Variants in PCLO observed in about 807,000 individuals in gnomAD.
PCLO encodes piccolo presynaptic cytomatrix protein.
PCLO carries 82 observed loss-of-function variants against 427.5 expected under a neutral mutation model. The ratio of observed to expected loss-of-function variants is 0.19; its 90% confidence interval spans 0.16 to 0.23. PCLO has a LOEUF of 0.23. PCLO is among the 10% of genes least tolerant of loss of function. The pLI is 1.00. For synonymous variants in PCLO, 2,357 were observed against 2,155.4 expected, an observed-to-expected ratio of 1.09 and a Z score of -2.59; for missense variants, 6,239 against 6,115.9, an observed-to-expected ratio of 1.02 and a Z score of -0.67.
chr7:83,050,677 G>T (rs1789230373), intron 3 of PCLO, among the ~76,000 whole-genome samples: 1 of 151,710 alleles, frequency 6.6e-6, no homozygotes, highest in African/African-American at 2.4e-5. Context: ...GCTGAGGTGG[G>T]TGGATCACCT....
intron 3 of PCLO, among the ~76,000 whole-genome samples, chr7:83,050,227 A>AAAAAAAAAAAAACAAAAAC (rs71074611): frequency 1.2e-5 from 1 of 85,618 alleles, no homozygotes; most frequent in African/African-American, 3.8e-5. Context: ...AAAAAAAAAA[A>AAAAAAAAAAAAACAAAAAC]AAAAAAAAAA....
chr7:83,060,411 C>A lies in PCLO; in HGVS notation c.3300+73839G>T, dbSNP rs183121009. Among the ~76,000 whole-genome samples, 22 of 152,252 alleles carry A rather than the reference C, an allele frequency of 1.4e-4. No individual in the cohort carries two copies. In the East Asian group the frequency reaches 4.1e-3, roughly 28 times the overall value. ...CTTGCTGCTCATTATTGATTACTGTCTGCTGCAGCTGCCACCAGACAAGGG... is the reference window on the plus strand; with the variant it reads ...CTTGCTGCTCATTATTGATTACTGTATGCTGCAGCTGCCACCAGACAAGGG... On this transcript the variant is annotated intron_variant, in intron 3 of 24. Coordinates refer to ENST00000333891, the MANE Select transcript of PCLO (RefSeq NM_033026.6).
At chr7:82,838,150 T>A in intron 15 of PCLO, 68 bp downstream of exon 15, 1 of 1,097,444 alleles carries the variant, frequency 9.1e-7, no homozygotes, top group Non-Finnish European at 1.3e-6. Flanking sequence ...GGTGTGGAAA[T>A]TAAAGAGTAG....
chr7:82,909,256 G>A (rs1348207985), intron 7 of PCLO, among the ~76,000 whole-genome samples: 1 of 151,980 alleles, frequency 6.6e-6, no homozygotes, highest in Non-Finnish European at 1.5e-5. Flanking sequence ...CACAATCTCA[G>A]AGCAAAACAA....
At chr7:83,088,592 A>G (rs77056770) in intron 3 of PCLO, among the ~76,000 whole-genome samples, 2,931 of 152,246 alleles carry the variant, frequency 0.019, 93 homozygotes, top group African/African-American at 0.065. Context: ...ATATTGCACA[A>G]GCAACATTAC....
chr7:82,760,978 G>T (rs1790420703), intron 23 of PCLO, among the ~76,000 whole-genome samples, 194 bp from the exon 24 acceptor site: 1 of 108,486 alleles, frequency 9.2e-6, no homozygotes, highest in Non-Finnish European at 1.8e-5. Context: ...TTTGAGACAG[G>T]GTCTTACTCT....
intron 4 of PCLO, among the ~76,000 whole-genome samples, chr7:82,961,492 C>T (rs536873620): frequency 2.0e-5 from 3 of 152,268 alleles, no homozygotes; most frequent in South Asian, 2.1e-4. Flanking sequence ...GCCAACTAAG[C>T]CATTTAGACA....
At chr7:83,044,975 T>C (rs182180113) in intron 3 of PCLO, among the ~76,000 whole-genome samples, 4 of 152,248 alleles carry the variant, frequency 2.6e-5, no homozygotes, top group East Asian at 3.9e-4. Context: ...AACCACAGGG[T>C]ATAGCAAAAA....
Position 82,977,332 on chromosome 7 carries a change from TC to T in PCLO, c.3301-10846del, listed in dbSNP as rs887294996. 3.3e-5 allele frequency among the ~76,000 whole-genome samples: 5 copies of T among 151,490 alleles called. No individual in the cohort carries two copies. In the South Asian group the frequency reaches 1.0e-3, roughly 31 times the overall value. On this transcript the variant is annotated intron_variant, in intron 3 of 24. Coordinates refer to ENST00000333891, the MANE Select transcript of PCLO (RefSeq NM_033026.6). ...TATGAATAGTTCTGTGCTTTTTTTTTCCTTTTTCTGTTTTTTCAGTAAACTG... is the reference window on the plus strand; with the variant it reads ...TATGAATAGTTCTGTGCTTTTTTTTTCTTTTTCTGTTTTTTCAGTAAACTG...
chr7:83,037,989 T>C (rs568114052), intron 3 of PCLO, among the ~76,000 whole-genome samples: 3 of 13,596 alleles, frequency 2.2e-4, no homozygotes, highest in African/African-American at 8.1e-4. Context: ...AAGGAGGAGC[T>C]TATATATATA....
intron 3 of PCLO, among the ~76,000 whole-genome samples, chr7:83,042,886 C>T (rs58210330): frequency 0.011 from 1,649 of 151,972 alleles, 37 homozygotes; most frequent in African/African-American, 0.038. Flanking sequence ...CAAACAACAA[C>T]AGCAAAGATG....
At chr7:82,937,336 GTT>G (rs199635218) in intron 6 of PCLO, among the ~76,000 whole-genome samples, 5 of 137,464 alleles carry the variant, frequency 3.6e-5, no homozygotes, top group Non-Finnish European at 3.2e-5. Flanking sequence ...CCACACTACA[GTT>G]TTTTTTTTTT....
At position 82,954,165 on chromosome 7, in the gene PCLO, A is replaced by T; in HGVS notation, c.6788T>A (p.Val2263Asp). Residue 2263 changes from valine (V) to aspartate (D), a missense_variant, in exon 5 of 25, where the codon GTT (valine) becomes GAT (aspartate). Physicochemically the swap from Val to Asp is radical, Grantham distance 152 (BLOSUM62 -3). Transcript: ENST00000333891. ...AGATGCCATATCAGATAAGGAAATA[A>T]CAATATGATCAGCACTAGCTCTACC... ...PDGRASADHI[V>D]ISLSDMASSI... The T allele has an allele frequency of 6.2e-7, 1 of 1,613,864 alleles. No individual in the cohort carries two copies. Among genetic ancestry groups the T allele is most frequent in the Non-Finnish European group, 8.5e-7 (1 of 1,179,808 alleles).
intron 3 of PCLO, among the ~76,000 whole-genome samples, chr7:82,994,302 T>C (rs1420001185): frequency 6.6e-6 from 1 of 151,980 alleles, no homozygotes; most frequent in Non-Finnish European, 1.5e-5. Flanking sequence ...CAGTAATTAA[T>C]TAAAATTATG....
rs200215116 is a variant in PCLO at position 82,952,701 on chromosome 7, G to A, written c.8252C>T (p.Thr2751Ile). ...TDKCIDLSASTMDVKRQITAN... is the reference protein window; with the variant it reads ...TDKCIDLSASIMDVKRQITAN... ...TGTGATCTGCCTTTTCACATCCATT[G>A]TAGAAGCAGAAAGATCAATACATTT... The change falls in exon 5 of 25, where the codon ACA becomes ATA. Residue 2751 changes from threonine to isoleucine, a missense_variant. Physicochemically the swap from Thr to Ile is moderately conservative, Grantham distance 89. This residue lies in a region of PCLO where 4,677 missense variants were observed against 4,468.4 expected (regional missense o/e 1.05). Transcript: ENST00000333891. 85 of 1,613,748 alleles carry A rather than the reference G, an allele frequency of 5.3e-5. No individual in the cohort carries two copies. The highest frequency in any genetic ancestry group is 6.5e-5 in the Non-Finnish European group (77 of 1,179,826).
At position 83,086,603 on chromosome 7, in the gene PCLO, C is replaced by T. The variant is rs543028207; in HGVS notation, c.3300+47647G>A. Among the ~76,000 whole-genome samples the T allele has an allele frequency of 4.6e-5, 7 of 152,134 alleles. No homozygotes were observed. The South Asian group carries it at 1.2e-3, about 27-fold the overall frequency. On this transcript the variant is annotated intron_variant, in intron 3 of 24. Transcript: ENST00000333891. ...TTTAGGAGAACGATTATCATGAGTA[C>T]GGCATTAATCTGGCCTGGATTAAAT...
intron 10 of PCLO, among the ~76,000 whole-genome samples, chr7:82,874,297 A>G (rs1266415857): frequency 6.6e-6 from 1 of 152,138 alleles, no homozygotes; most frequent in African/African-American, 2.4e-5. Flanking sequence ...ATGTGTGCAC[A>G]AAGTGGTAAG....
intron 16 of PCLO, among the ~76,000 whole-genome samples, chr7:82,832,201 TTATCAAAAAA>T (rs1340004025): frequency 1.3e-5 from 2 of 152,184 alleles, no homozygotes; most frequent in African/African-American, 4.8e-5. Context: ...GACATGGTGC[TTATCAAAAAA>T]TATCTAAAAC....
chr7:82,796,577 C>G (rs1791228360), intron 22 of PCLO, among the ~76,000 whole-genome samples: 1 of 151,940 alleles, frequency 6.6e-6, no homozygotes, highest in Non-Finnish European at 1.5e-5. Flanking sequence ...ATCACTTCTA[C>G]AGATGCTGCC....
Sources: gnomAD v4.1 joint callset for allele counts (sites outside exome capture counted in the v4.1 genomes callset) on GRCh38, gnomAD v4.1.1 for gene constraint, gnomAD v4.1.1 regional missense constraint, MANE v1.5 for transcripts, NCBI Gene and HGNC (gene_info 2026-07-23, HGNC 2026-07-21) for gene names.